The following ATG13 variants were observed in gnomAD, a reference collection of about 807,000 sequenced individuals.
The protein encoded by ATG13 is autophagy related 13, also known as autophagy-related protein 13.
ATG13 carries 23 observed loss-of-function variants against 65.5 expected under a neutral mutation model. The observed-to-expected ratio is 0.35, with a 90% CI of 0.25 to 0.50. The LOEUF (loss-of-function observed/expected upper bound fraction) is 0.50. Ranked by LOEUF, ATG13 falls within the 20% of genes least tolerant of loss-of-function variation. The pLI is 0.98. For missense variants in ATG13, 566 were observed against 677.0 expected (o/e 0.84, Z 1.82); for synonymous variants, 252 against 245.2 (o/e 1.03, Z -0.26).
intron 8 of ATG13, 159 bp from the exon 9 acceptor site, chr11:46,656,936 C>A (rs905391180): frequency 1.2e-5 from 8 of 656,840 alleles, no homozygotes; most frequent in Admixed American, 9.7e-5. Context: ...CATACACACA[C>A]ACACACACAC....
rs1283600865 is a variant in ATG13 at position 46,657,611 on chromosome 11, C to G, written c.684C>G (p.Pro228=). The part of the protein sequence containing the change: ...RPYPSSSPMH[P]CNYRTAGEDT... ...ATCCCAGCTCCTCTCCCATGCACCC[C>G]TGCAATTACAGGTGAGGAATGTGAA... The change falls in exon 10 of 19, where the codon CCC becomes CCG. Residue 228 remains proline, a synonymous_variant. Coordinates refer to ENST00000683050, the MANE Select transcript of ATG13 (RefSeq NM_001346311.2). 2 of 1,601,880 alleles carry G rather than the reference C, an allele frequency of 1.2e-6. No individual in the cohort carries two copies. Among genetic ancestry groups the G allele is most frequent in the Non-Finnish European group, 8.5e-7 (1 of 1,174,178 alleles).
chr11:46,636,198 C>T (rs994880471), intron 2 of ATG13, among the ~76,000 whole-genome samples: 2 of 152,126 alleles, frequency 1.3e-5, no homozygotes, highest in African/African-American at 2.4e-5. Flanking sequence ...ATTATTTCCT[C>T]TCTCACATCT....
At chr11:46,619,372 C>CTTTTTGTTTTTTTTTT (rs2046543269) in intron 1 of ATG13, among the ~76,000 whole-genome samples, 1 of 35,328 alleles carries the variant, frequency 2.8e-5, no homozygotes, top group Non-Finnish European at 5.4e-5. Context: ...AGATTTCTTG[C>CTTTTTGTTTTTTTTTT]TTTTTTTTTT....
chr11:46,634,074 C>T (rs921391832), intron 2 of ATG13, among the ~76,000 whole-genome samples: 4 of 151,940 alleles, frequency 2.6e-5, no homozygotes, highest in African/African-American at 9.7e-5. Context: ...AACCTATTTT[C>T]TCAGCTGAGT....
intron 1 of ATG13, among the ~76,000 whole-genome samples, chr11:46,622,173 G>A (rs1222579580): frequency 2.1e-5 from 3 of 143,056 alleles, no homozygotes; most frequent in African/African-American, 5.1e-5. Flanking sequence ...ACTGGAGTGC[G>A]GTGAAGCAAT....
chr11:46,648,159 G>C (rs190276360), intron 5 of ATG13, among the ~76,000 whole-genome samples: 1 of 150,738 alleles, frequency 6.6e-6, no homozygotes, highest in Non-Finnish European at 1.5e-5. Context: ...GCAGTGGCAC[G>C]ATCTTGGCTC....
Position 46,672,241 on chromosome 11 carries a change from T to G in ATG13, c.1576-14T>G. On this transcript the variant is annotated splice_polypyrimidine_tract_variant and intron_variant, in intron 18 of 18. Transcript: ENST00000683050. The stretch of plus-strand genomic sequence containing the variant: ...TGCCTGAATAAACGGCTCTTCCCTC[T>G]CTTTCCGGTACAGGACTCATTACCA... The G allele has an allele frequency of 6.2e-7, 1 of 1,614,056 alleles. No individual in the cohort carries two copies. The highest frequency in any genetic ancestry group is 8.5e-7 in the Non-Finnish European group (1 of 1,179,924).
At chr11:46,647,187 TTAGAC>T (rs778623786) in intron 5 of ATG13, among the ~76,000 whole-genome samples, 287 of 152,328 alleles carry the variant, frequency 1.9e-3, no homozygotes, top group Non-Finnish European at 2.9e-3. Flanking sequence ...CAGTCTTAAC[TTAGAC>T]TTCATATGCT....
chr11:46,628,101 A>G (rs1034901413), intron 1 of ATG13, among the ~76,000 whole-genome samples: 11 of 150,618 alleles, frequency 7.3e-5, no homozygotes, highest in African/African-American at 1.2e-4. Context: ...AAAAAAAAAA[A>G]GGCAGGAAAA....
At chr11:46,634,477 C>T (rs2053199400) in intron 2 of ATG13, among the ~76,000 whole-genome samples, 1 of 148,222 alleles carries the variant, frequency 6.7e-6, no homozygotes, top group Non-Finnish European at 1.5e-5. Context: ...CAGCTCACTG[C>T]ACCTCCGCCT....
chr11:46,659,538 C>T, intron 11 of ATG13, 53 bp downstream of exon 11: 1 of 1,436,010 alleles, frequency 7.0e-7, no homozygotes. Flanking sequence ...TATATATGGG[C>T]TTTATGAAAT....
chr11:46,648,075 G>A (rs1305142161), intron 5 of ATG13, among the ~76,000 whole-genome samples: 1 of 151,726 alleles, frequency 6.6e-6, no homozygotes, highest in African/African-American at 2.4e-5. Context: ...TCCCAGCTGA[G>A]TGACTTTAGC....
At chr11:46,652,408 C>T (rs898907290) in intron 7 of ATG13, among the ~76,000 whole-genome samples, 22 of 152,088 alleles carry the variant, frequency 1.4e-4, no homozygotes, top group African/African-American at 4.6e-4. Flanking sequence ...AGGTTAACAG[C>T]GTGATACCAT....
intron 8 of ATG13, chr11:46,656,514 A>C: frequency 2.8e-6 from 1 of 352,274 alleles, no homozygotes; most frequent in Non-Finnish European, 5.1e-6. Flanking sequence ...AAAACTGTAT[A>C]TTTTCCTAAT....
At position 46,634,407 on chromosome 11, in the gene ATG13, C is replaced by CT. The variant is rs113574145; in HGVS notation, c.-14+4320dup. Among the ~76,000 whole-genome samples, 757 of 141,640 alleles carry CT rather than the reference C, an allele frequency of 5.3e-3. 2 individuals carry two copies. The highest frequency in any genetic ancestry group is 8.2e-3 in the Non-Finnish European group (526 of 64,536). 92.9% of individuals were successfully genotyped at this position (141,640 alleles called of 152,430 possible). ...TTTCTTTTTAATTTAATTTAGTTTTCTTTTTTTTTTTTTGAGTCTGAGTTT... is the reference window on the plus strand; with the variant it reads ...TTTCTTTTTAATTTAATTTAGTTTTCTTTTTTTTTTTTTTGAGTCTGAGTTT... On this transcript the variant is annotated intron_variant, in intron 2 of 18. Transcript: ENST00000683050.
intron 10 of ATG13, 109 bp downstream of exon 10, chr11:46,657,731 G>GTCTCCATCA: frequency 1.0e-6 from 1 of 970,804 alleles, no homozygotes. Context: ...GTGGGCAGGG[G>GTCTCCATCA]GCCACTGATG....
chr11:46,659,311 T>G, intron 10 of ATG13, 81 bp from the exon 11 acceptor site: 1 of 1,128,014 alleles, frequency 8.9e-7, no homozygotes, highest in Non-Finnish European at 1.3e-6. Context: ...AGGTCCCATC[T>G]CTATCTAATC....
chr11:46,622,730 T>A (rs1272825032), intron 1 of ATG13, among the ~76,000 whole-genome samples: 1 of 152,242 alleles, frequency 6.6e-6, no homozygotes, highest in Admixed American at 6.5e-5. Flanking sequence ...TTTTTCTCTC[T>A]TCTGTTTTTC....
At chr11:46,641,469 T>A (rs2055997845) in intron 2 of ATG13, among the ~76,000 whole-genome samples, 1 of 152,236 alleles carries the variant, frequency 6.6e-6, no homozygotes, top group Admixed American at 6.5e-5. Flanking sequence ...ATAGATGAAT[T>A]GTATTATAGA....
Sources: gnomAD v4.1 joint callset for allele counts (sites outside exome capture counted in the v4.1 genomes callset) on GRCh38, gnomAD v4.1.1 for gene constraint, MANE v1.5 for transcripts, NCBI Gene and HGNC (gene_info 2026-07-23, HGNC 2026-07-21) for gene names.